STX6: variants seen among roughly 807,000 people sequenced by gnomAD.
STX6 encodes the protein syntaxin-6.
Under a neutral mutation model 38.0 loss-of-function variants are expected in STX6, and 23 were observed. The ratio of observed to expected loss-of-function variants is 0.60; its 90% CI spans 0.43 to 0.86. STX6 has a LOEUF of 0.86. Among genes scored for constraint, STX6 ranks in the 40% least tolerant of loss-of-function variants. The pLI is 0.00. For synonymous variants in STX6, 123 were observed against 107.5 expected (o/e 1.14, Z -0.89); for missense variants, 274 against 312.9 (o/e 0.88, Z 0.94).
chr1:181,005,085 A>G (rs1453776781), intron 2 of STX6: 1 of 293,208 alleles, frequency 3.4e-6, no homozygotes, highest in Non-Finnish European at 5.1e-6. Context: ...ATACATTTAT[A>G]GTACAGGATT....
intron 4 of STX6, among the ~76,000 whole-genome samples, chr1:180,991,602 A>T (rs1655758490): frequency 6.6e-6 from 1 of 152,188 alleles, no homozygotes. Flanking sequence ...TCCACGTTTT[A>T]TTGTGAAATA....
chr1:181,020,468 A>G (rs1656694490), intron 1 of STX6, among the ~76,000 whole-genome samples: 1 of 152,240 alleles, frequency 6.6e-6, no homozygotes, highest in South Asian at 2.1e-4. Flanking sequence ...GTAAAATGAC[A>G]TACATGGCTG....
In STX6 at chr1:180,975,876, C is replaced by T. The variant is rs2102296596; in HGVS notation, c.*694G>A. Reference sequence around the variant, plus strand: ...AGAACCCTCTTGCTCTTTTTAATTGCTCCTGTCAGTTAAAGCCACAAGTTG... The same window carrying T: ...AGAACCCTCTTGCTCTTTTTAATTGTTCCTGTCAGTTAAAGCCACAAGTTG... On this transcript the variant is annotated 3_prime_UTR_variant, in exon 8 of 8. Coordinates refer to ENST00000258301, the MANE Select transcript of STX6 (RefSeq NM_005819.6). 1 of 152,466 alleles carries T rather than the reference C, an allele frequency of 6.6e-6. No homozygotes were observed. The highest frequency in any genetic ancestry group is 3.4e-3 in the Middle Eastern group (1 of 294). The allele number at this position is 152,466 out of a possible 1,614,324, so 9.4% of individuals were successfully genotyped here. A position where few individuals can be genotyped will look rare whatever the true frequency, so the allele number is the denominator to read the frequency against.
chr1:180,992,877 T>C (rs1655792875), intron 4 of STX6, among the ~76,000 whole-genome samples: 1 of 152,224 alleles, frequency 6.6e-6, no homozygotes, highest in African/African-American at 2.4e-5. Context: ...CTTAGATGTC[T>C]AATGTGTTCC....
At position 181,022,742 on chromosome 1, in the gene STX6, G is replaced by A; in HGVS notation, c.-69C>T. On this transcript the variant is annotated 5_prime_UTR_variant, in exon 1 of 8. Coordinates refer to ENST00000258301, the MANE Select transcript of STX6 (RefSeq NM_005819.6). ...CGCCCGTGCCTCCCGGTCTCCCTCC[G>A]CCCACCCCGCCTGTTCCCGCAGCTG... The A allele has an allele frequency of 4.8e-6, 7 of 1,459,538 alleles. No individual in the cohort carries two copies. The highest frequency in any genetic ancestry group is 2.4e-5 in the South Asian group (2 of 83,724). 90.4% of individuals were successfully genotyped at this position (1,459,538 alleles called of 1,614,324 possible). A position where few individuals can be genotyped will look rare whatever the true frequency, so the allele number is the denominator to read the frequency against.
intron 2 of STX6, among the ~76,000 whole-genome samples, chr1:181,004,236 C>A (rs927296229): frequency 6.6e-6 from 1 of 152,204 alleles, no homozygotes; most frequent in African/African-American, 2.4e-5. Flanking sequence ...AATGCAAATT[C>A]GGTCTCTGCC....
At chr1:180,983,446 T>A (rs1445710587) in intron 7 of STX6, among the ~76,000 whole-genome samples, 1 of 152,136 alleles carries the variant, frequency 6.6e-6, no homozygotes, top group African/African-American at 2.4e-5. Context: ...AGATACTGGA[T>A]TTTTTAAAAT....
At chr1:181,018,251 C>T (rs1016639859) in intron 1 of STX6, among the ~76,000 whole-genome samples, 5 of 151,514 alleles carry the variant, frequency 3.3e-5, no homozygotes, top group East Asian at 1.9e-4. Flanking sequence ...GGCATAGTGG[C>T]GCACATTGGT....
chr1:180,972,811 T>TC lies in STX6; in HGVS notation c.*3758dup. ...TAACAGTATCTCTAAGCTGAGTTAC[T>TC]CTGATCGGAGCTACTGAAAGGTACC... On this transcript the variant is annotated 3_prime_UTR_variant, in exon 8 of 8. Transcript: ENST00000258301. 1 of 316,554 alleles carries TC rather than the reference T, an allele frequency of 3.2e-6. No individual in the cohort carries two copies. Among genetic ancestry groups the TC allele is most frequent in the Non-Finnish European group, 6.3e-6 (1 of 158,788 alleles). 19.6% of individuals were successfully genotyped at this position (316,554 alleles called of 1,614,324 possible).
chr1:181,009,091 G>T (rs1204988175), intron 1 of STX6, among the ~76,000 whole-genome samples: 1 of 152,046 alleles, frequency 6.6e-6, no homozygotes, highest in Non-Finnish European at 1.5e-5. Context: ...TAAGGGAGAA[G>T]ATATTTACAA....
intron 7 of STX6, among the ~76,000 whole-genome samples, chr1:180,982,695 T>A (rs572002522): frequency 1.4e-4 from 21 of 152,262 alleles, no homozygotes; most frequent in African/African-American, 5.1e-4. Flanking sequence ...CATACATGAG[T>A]GAGAGGCCTG....
intron 1 of STX6, 109 bp from the exon 2 acceptor site, chr1:181,005,572 C>G: frequency 9.8e-7 from 1 of 1,021,350 alleles, no homozygotes; most frequent in Non-Finnish European, 1.4e-6. Context: ...TCAGCAACCA[C>G]CATTCCCACA....
At chr1:181,013,034 G>C (rs1242756119) in intron 1 of STX6, among the ~76,000 whole-genome samples, 1 of 151,732 alleles carries the variant, frequency 6.6e-6, no homozygotes, top group Non-Finnish European at 1.5e-5. Flanking sequence ...ATTTATTTTT[G>C]AAGTTAGCCC....
intron 3 of STX6, among the ~76,000 whole-genome samples, chr1:181,002,043 G>A (rs991865376): frequency 2.0e-5 from 3 of 152,140 alleles, no homozygotes; most frequent in Admixed American, 1.3e-4. Context: ...GGTGGTGCAC[G>A]CCTGTAGTCC....
intron 1 of STX6, among the ~76,000 whole-genome samples, chr1:181,010,448 T>A (rs1010561827): frequency 2.3e-4 from 35 of 151,944 alleles, no homozygotes; most frequent in Non-Finnish European, 8.8e-5. Context: ...ATTATGGGTA[T>A]GCGCCACCAC....
Position 181,000,875 on chromosome 1 carries a change from C to CAA in STX6, c.300+1729_300+1730dup, listed in dbSNP as rs34045263. Among the ~76,000 whole-genome samples the CAA allele has an allele frequency of 2.6e-3, 188 of 72,612 alleles. 6 individuals are homozygous for CAA. In the East Asian group the frequency reaches 0.031, roughly 12 times the overall value. 47.6% of individuals were successfully genotyped at this position (72,612 alleles called of 152,430 possible). ...GTATCCTTCAAAAAACCTACTACTA[C>CAA]AAAAAAAAAAAAAAAAAAGCTTATA... On this transcript the variant is annotated intron_variant, in intron 3 of 7. Transcript: ENST00000258301.
chr1:180,991,052 T>A (rs991921256), intron 4 of STX6, among the ~76,000 whole-genome samples: 1 of 152,038 alleles, frequency 6.6e-6, no homozygotes, highest in African/African-American at 2.4e-5. Context: ...TCGGGTAATT[T>A]AAAAAAAATC....
rs184799425 is a variant in STX6 at position 181,010,590 on chromosome 1, C to T, written c.36-5127G>A. Among the ~76,000 whole-genome samples the T allele has an allele frequency of 1.5e-3, 230 of 152,234 alleles. 2 individuals are homozygous for T. The highest frequency in any genetic ancestry group is 2.4e-3 in the Non-Finnish European group (164 of 68,020). ...GTGCTAGGATTACAGGTGTGAGCCTCCGCGCCCGGCCTCATGAAGAATATT... is the reference window on the plus strand; with the variant it reads ...GTGCTAGGATTACAGGTGTGAGCCTTCGCGCCCGGCCTCATGAAGAATATT... On this transcript the variant is annotated intron_variant, in intron 1 of 7. Transcript: ENST00000258301.
chr1:181,005,871 C>G (rs1281504142), intron 1 of STX6, among the ~76,000 whole-genome samples: 1 of 152,040 alleles, frequency 6.6e-6, no homozygotes, highest in Non-Finnish European at 1.5e-5. Flanking sequence ...TATGGCCTTT[C>G]TTTTCTTGGT....
Sources: allele counts gnomAD v4.1 joint callset (sites outside exome capture counted in the v4.1 genomes callset), GRCh38; gene constraint gnomAD v4.1.1; transcripts MANE v1.5; gene names NCBI Gene and HGNC (gene_info 2026-07-23, HGNC 2026-07-21).